The following DZIP3 variants were observed in gnomAD, a reference collection of about 807,000 sequenced individuals.
DZIP3 encodes the protein E3 ubiquitin-protein ligase DZIP3.
DZIP3 carries 118 observed loss-of-function variants against 162.0 expected under a neutral mutation model. The ratio of observed to expected loss-of-function variants is 0.73; its 90% confidence interval spans 0.63 to 0.85. The LOEUF (loss-of-function observed/expected upper bound fraction) is 0.85. Among genes scored for constraint, DZIP3 ranks in the 40% least tolerant of loss-of-function variants. The pLI is 0.00. For missense variants in DZIP3, 1,331 were observed against 1,407.0 expected, an observed-to-expected ratio of 0.95 and a Z score of 0.86; for synonymous variants, 438 against 458.6, an observed-to-expected ratio of 0.96 and a Z score of 0.57.
intron 19 of DZIP3, among the ~76,000 whole-genome samples, chr3:108,657,641 A>G (rs962778003): frequency 7.2e-5 from 11 of 152,244 alleles, no homozygotes; most frequent in Non-Finnish European, 5.9e-5. Context: ...ACATAACAAT[A>G]TTAACCTTAA....
intron 7 of DZIP3, among the ~76,000 whole-genome samples, chr3:108,626,549 T>A (rs192386129): frequency 6.6e-6 from 1 of 152,350 alleles, no homozygotes; most frequent in Admixed American, 6.5e-5. Context: ...GAGGAAACTA[T>A]ACAGATTATC....
intron 19 of DZIP3, among the ~76,000 whole-genome samples, chr3:108,657,027 T>C (rs573855291): frequency 2.0e-3 from 297 of 152,216 alleles, no homozygotes; most frequent in African/African-American, 6.1e-3. Flanking sequence ...CTGAAAGTGA[T>C]GGGGAGAATG....
intron 2 of DZIP3, among the ~76,000 whole-genome samples, chr3:108,606,896 C>A (rs947118420): frequency 9.9e-5 from 15 of 152,048 alleles, no homozygotes; most frequent in Non-Finnish European, 1.9e-4. Context: ...TAATATGTAT[C>A]TGGGATTGAG....
At chr3:108,643,835 A>G (rs1362576767) in intron 13 of DZIP3, among the ~76,000 whole-genome samples, 1 of 152,034 alleles carries the variant, frequency 6.6e-6, no homozygotes, top group Non-Finnish European at 1.5e-5. Context: ...ATTCTTGGCA[A>G]ATTTCAGAAT....
At chr3:108,602,223 C>T (rs1940059864) in intron 1 of DZIP3, among the ~76,000 whole-genome samples, 1 of 152,084 alleles carries the variant, frequency 6.6e-6, no homozygotes, top group Non-Finnish European at 1.5e-5. Flanking sequence ...GCTGTGCCTG[C>T]TTTGACGTGA....
intron 5 of DZIP3, 112 bp downstream of exon 5, chr3:108,616,769 C>T: frequency 1.4e-6 from 1 of 710,926 alleles, no homozygotes; most frequent in Non-Finnish European, 2.4e-6. Flanking sequence ...TTATTTTTTT[C>T]TTTTACCTCT....
chr3:108,662,833 A>G (rs745905419), intron 21 of DZIP3, among the ~76,000 whole-genome samples: 52 of 152,300 alleles, frequency 3.4e-4, no homozygotes, highest in Non-Finnish European at 6.8e-4. Context: ...TTTTGTACTA[A>G]TCACTGCTTC....
chr3:108,693,409 G>A lies in DZIP3; in HGVS notation c.*56G>A, dbSNP rs897128485. Reference sequence around the variant, plus strand: ...ACTTGAAGGTGGAGACTGTACGGTGGTGTGTTGGAGCTGGCTTGTAATGTC... The same window carrying A: ...ACTTGAAGGTGGAGACTGTACGGTGATGTGTTGGAGCTGGCTTGTAATGTC... On this transcript the variant is annotated 3_prime_UTR_variant, in exon 33 of 33. Coordinates refer to ENST00000361582, the MANE Select transcript of DZIP3 (RefSeq NM_014648.4). 3 of 152,126 alleles carry A rather than the reference G, an allele frequency of 2.0e-5. No homozygotes were observed. The highest frequency in any genetic ancestry group is 2.9e-5 in the Non-Finnish European group (2 of 68,020). 9.4% of individuals were successfully genotyped at this position (152,126 alleles called of 1,614,324 possible).
chr3:108,625,771 A>T, intron 6 of DZIP3, 74 bp from the exon 7 acceptor site: 1 of 1,406,102 alleles, frequency 7.1e-7, no homozygotes, highest in Non-Finnish European at 9.4e-7. Context: ...CTCCAGTTTG[A>T]GAAGTAATTG....
At chr3:108,598,981 T>C (rs1939851787) in intron 1 of DZIP3, among the ~76,000 whole-genome samples, 1 of 152,250 alleles carries the variant, frequency 6.6e-6, no homozygotes, top group African/African-American at 2.4e-5. Context: ...CAAATTAATA[T>C]GTATACTATA....
chr3:108,631,055 A>ACACACACACACACACACACCCTCT, intron 8 of DZIP3, among the ~76,000 whole-genome samples: 1 of 18,006 alleles, frequency 5.6e-5, no homozygotes, highest in Non-Finnish European at 9.0e-5. Flanking sequence ...ACACACACAC[A>ACACACACACACACACACACCCTCT]CTCTCTCTCT....
chr3:108,625,704 T>A (rs2107569030), intron 6 of DZIP3, 141 bp from the exon 7 acceptor site: 2 of 768,450 alleles, frequency 2.6e-6, no homozygotes, highest in East Asian at 6.0e-5. Context: ...GATGCCAGGA[T>A]TCAGAATGTG....
At chr3:108,608,189 T>C (rs1940488685) in intron 3 of DZIP3, 31 bp downstream of exon 3, 5 of 1,441,430 alleles carry the variant, frequency 3.5e-6, no homozygotes, top group Non-Finnish European at 4.7e-6. Flanking sequence ...CATTAACTGT[T>C]AGTTAATTGA....
chr3:108,662,992 G>C (rs556870022), intron 21 of DZIP3, among the ~76,000 whole-genome samples: 180 of 152,302 alleles, frequency 1.2e-3, no homozygotes, highest in Middle Eastern at 3.4e-3. Flanking sequence ...AAAGTGCTTC[G>C]AATGTCTTTG....
At chr3:108,634,025 C>T (rs111839794) in intron 9 of DZIP3, among the ~76,000 whole-genome samples, 1 of 151,676 alleles carries the variant, frequency 6.6e-6, no homozygotes, top group Non-Finnish European at 1.5e-5. Context: ...TGTGAAATCA[C>T]AAGATAGGAT....
At chr3:108,660,076 T>C (rs1446509221) in intron 19 of DZIP3, among the ~76,000 whole-genome samples, 1 of 152,188 alleles carries the variant, frequency 6.6e-6, no homozygotes, top group Non-Finnish European at 1.5e-5. Flanking sequence ...AGGTAATTTA[T>C]AGATTCAATT....
intron 21 of DZIP3, among the ~76,000 whole-genome samples, chr3:108,668,720 C>A (rs1639050391): frequency 1.3e-5 from 2 of 151,868 alleles, no homozygotes; most frequent in South Asian, 4.1e-4. Context: ...CTCAGACCAA[C>A]AAAACATTAA....
At chr3:108,687,747 C>T (rs976884156) in intron 28 of DZIP3, among the ~76,000 whole-genome samples, 3 of 152,174 alleles carry the variant, frequency 2.0e-5, no homozygotes, top group Non-Finnish European at 4.4e-5. Flanking sequence ...CTTTATCACT[C>T]ATGAAAACAT....
At chr3:108,605,268 C>A in intron 1 of DZIP3, 67 bp from the exon 2 acceptor site, 3 of 1,147,932 alleles carry the variant, frequency 2.6e-6, no homozygotes, top group Non-Finnish European at 3.8e-6. Context: ...TGATCACGTT[C>A]TGTTTTCATA....
Sources: allele counts gnomAD v4.1 joint callset (sites outside exome capture counted in the v4.1 genomes callset), GRCh38; gene constraint gnomAD v4.1.1; transcripts MANE v1.5; gene names NCBI Gene and HGNC (gene_info 2026-07-23, HGNC 2026-07-21).